The following MDGA2 variants were observed in gnomAD, a reference collection of about 807,000 sequenced individuals.
The protein encoded by MDGA2 is MAM domain-containing glycosylphosphatidylinositol anchor protein 2.
A neutral mutation model predicts 117.8 loss-of-function variants in MDGA2; 40 were observed. That is an observed-to-expected ratio of 0.34 (90% CI 0.26 to 0.44). The LOEUF (loss-of-function observed/expected upper bound fraction) is 0.44, where lower values mean the gene tolerates loss of function less well. Among genes scored for constraint, MDGA2 ranks in the 20% least tolerant of loss-of-function variants. The pLI is 1.00. For synonymous variants in MDGA2, 452 were observed against 439.0 expected (o/e 1.03, Z -0.37); for missense variants, 1,123 against 1,250.6 (o/e 0.90, Z 1.54).
chr14:47,528,652 G>A (rs939804333), intron 1 of MDGA2, among the ~76,000 whole-genome samples: 2 of 152,094 alleles, frequency 1.3e-5, no homozygotes, highest in African/African-American at 4.8e-5. Flanking sequence ...CATTTAACCA[G>A]TTTTTAAATG....
chr14:47,198,054 A>ATT (rs11429936), intron 3 of MDGA2, among the ~76,000 whole-genome samples: 8 of 151,782 alleles, frequency 5.3e-5, no homozygotes, highest in East Asian at 1.9e-4. Context: ...TAAAAAATGT[A>ATT]TTTTTTTTAC....
At chr14:47,524,398 GA>G (rs1467168238) in intron 1 of MDGA2, among the ~76,000 whole-genome samples, 3 of 152,104 alleles carry the variant, frequency 2.0e-5, no homozygotes, top group Non-Finnish European at 4.4e-5. Context: ...ACTGACAACT[GA>G]AACAGAAAGT....
chr14:47,355,610 A>G (rs1268336090), intron 1 of MDGA2, among the ~76,000 whole-genome samples: 2 of 152,068 alleles, frequency 1.3e-5, no homozygotes, highest in African/African-American at 4.8e-5. Context: ...CTAAACTGCC[A>G]GAGAAAGTGC....
At chr14:47,630,556 GA>G (rs1304000233) in intron 1 of MDGA2, among the ~76,000 whole-genome samples, 1 of 152,102 alleles carries the variant, frequency 6.6e-6, no homozygotes, top group Non-Finnish European at 1.5e-5. Context: ...ATACAATACA[GA>G]GACTTTCTTT....
chr14:47,080,816 T>G (rs1257243194), intron 6 of MDGA2, among the ~76,000 whole-genome samples: 1 of 152,180 alleles, frequency 6.6e-6, no homozygotes, highest in Non-Finnish European at 1.5e-5. Flanking sequence ...GCTCATTTCC[T>G]TTCTTCAATT....
At chr14:47,618,850 T>C (rs968691129) in intron 1 of MDGA2, among the ~76,000 whole-genome samples, 18 of 152,100 alleles carry the variant, frequency 1.2e-4, no homozygotes, top group African/African-American at 4.3e-4. Flanking sequence ...CTTAGTAGAC[T>C]TTAGAGTTTT....
chr14:47,447,465 C>A (rs565901580), intron 1 of MDGA2, among the ~76,000 whole-genome samples: 17 of 152,126 alleles, frequency 1.1e-4, no homozygotes, highest in Non-Finnish European at 2.5e-4. Context: ...TATTTCCATA[C>A]TAATGCTGTG....
At chr14:46,951,040 T>C (rs563270776) in intron 9 of MDGA2, among the ~76,000 whole-genome samples, 3 of 152,046 alleles carry the variant, frequency 2.0e-5, no homozygotes, top group African/African-American at 7.2e-5. Flanking sequence ...TTTCTTTATA[T>C]ACTGAACATG....
chr14:47,421,004 A>G (rs1209985668), intron 1 of MDGA2, among the ~76,000 whole-genome samples: 1 of 152,108 alleles, frequency 6.6e-6, no homozygotes, highest in Non-Finnish European at 1.5e-5. Flanking sequence ...AATATAGTAC[A>G]GCAAATAGAC....
intron 7 of MDGA2, among the ~76,000 whole-genome samples, chr14:47,048,676 G>C (rs921914093): frequency 2.6e-5 from 4 of 151,946 alleles, no homozygotes; most frequent in African/African-American, 9.7e-5. Context: ...CTCATCTTTT[G>C]TCAAGAGCAA....
chr14:47,654,370 A>G (rs1219072205), intron 1 of MDGA2, among the ~76,000 whole-genome samples: 1 of 152,046 alleles, frequency 6.6e-6, no homozygotes, highest in East Asian at 1.9e-4. Flanking sequence ...CTTGAAGACA[A>G]TGAAGATGAC....
At position 47,537,941 on chromosome 14, in the gene MDGA2, A is replaced by T. The variant is rs141428887; in HGVS notation, c.280+136576T>A. On this transcript the variant is annotated intron_variant, in intron 1 of 16. Coordinates refer to ENST00000399232, the MANE Select transcript of MDGA2 (RefSeq NM_001113498.3). ...AATGAACAATAACCATGTACAGCAC[A>T]GGTGGGCAGTTTTATACCTTAATGT... 3.9e-5 allele frequency among the ~76,000 whole-genome samples: 6 copies of T among 152,314 alleles called. No individual in the cohort carries two copies. In the East Asian group the frequency reaches 1.2e-3, roughly 29 times the overall value.
chr14:46,893,661 T>A (rs904509302), intron 10 of MDGA2, among the ~76,000 whole-genome samples: 1 of 152,044 alleles, frequency 6.6e-6, no homozygotes, highest in African/African-American at 2.4e-5. Flanking sequence ...AAGACAAATT[T>A]AAAAATTATT....
intron 1 of MDGA2, among the ~76,000 whole-genome samples, chr14:47,457,247 C>G (rs1446593834): frequency 6.6e-6 from 1 of 152,132 alleles, no homozygotes; most frequent in African/African-American, 2.4e-5. Context: ...CATCAAACAG[C>G]ATGCATTTAA....
At chr14:47,263,148 C>T (rs1320316146) in intron 2 of MDGA2, among the ~76,000 whole-genome samples, 1 of 152,104 alleles carries the variant, frequency 6.6e-6, no homozygotes, top group Non-Finnish European at 1.5e-5. Flanking sequence ...TTCTAAGATG[C>T]TACTACTTTA....
intron 1 of MDGA2, among the ~76,000 whole-genome samples, chr14:47,381,917 A>C (rs1413097315): frequency 1.3e-5 from 2 of 152,176 alleles, no homozygotes; most frequent in East Asian, 1.9e-4. Context: ...AATCCTAAGC[A>C]AAAAGAACAA....
At chr14:46,921,432 T>C (rs1379104618) in intron 9 of MDGA2, among the ~76,000 whole-genome samples, 2 of 149,624 alleles carry the variant, frequency 1.3e-5, no homozygotes, top group African/African-American at 5.0e-5. Context: ...AGCAAAATAA[T>C]GTCTCTACCA....
intron 5 of MDGA2, among the ~76,000 whole-genome samples, chr14:47,121,282 G>T (rs1881636501): frequency 6.6e-6 from 1 of 151,940 alleles, no homozygotes; most frequent in Non-Finnish European, 1.5e-5. Flanking sequence ...AACATGTTTA[G>T]GTTTCTTCAT....
At chr14:47,427,703 TGCCA>T (rs1892719692) in intron 1 of MDGA2, among the ~76,000 whole-genome samples, 1 of 152,106 alleles carries the variant, frequency 6.6e-6, no homozygotes, top group African/African-American at 2.4e-5. Context: ...TGTCACGTAA[TGCCA>T]GATACTTCCT....
Sources: gnomAD v4.1 joint callset for allele counts (sites outside exome capture counted in the v4.1 genomes callset) on GRCh38, gnomAD v4.1.1 for gene constraint, MANE v1.5 for transcripts, NCBI Gene and HGNC (gene_info 2026-07-23, HGNC 2026-07-21) for gene names.